Variants in BNC2 observed in about 807,000 individuals in gnomAD.
BNC2 encodes the protein zinc finger protein basonuclin-2.
In BNC2, 20 loss-of-function variants were observed where a neutral mutation model predicts 76.3. That is an observed-to-expected ratio of 0.26 (90% CI 0.18 to 0.38). BNC2 has a LOEUF of 0.38. Ranked by LOEUF, BNC2 falls within the 10% of genes least tolerant of loss-of-function variation. The pLI is 1.00. For missense variants in BNC2, 1,382 were observed against 1,399.8 expected (o/e 0.99, Z 0.20); for synonymous variants, 582 against 514.8 (o/e 1.13, Z -1.77).
chr9:16,719,968 T>C (rs938750107), intron 3 of BNC2, among the ~76,000 whole-genome samples: 1 of 152,124 alleles, frequency 6.6e-6, no homozygotes, highest in Admixed American at 6.6e-5. Context: ...GTCCAAGAAT[T>C]AGGTTTTTAA....
At chr9:16,740,968 AT>A (rs1381149584) in intron 1 of BNC2, among the ~76,000 whole-genome samples, 2 of 152,136 alleles carry the variant, frequency 1.3e-5, no homozygotes, top group African/African-American at 2.4e-5. Context: ...TTTATTACCA[AT>A]TTTTTCCACT....
intron 3 of BNC2, among the ~76,000 whole-genome samples, chr9:16,643,048 C>A (rs1227061691): frequency 6.6e-6 from 1 of 152,152 alleles, no homozygotes; most frequent in Non-Finnish European, 1.5e-5. Flanking sequence ...GCTCCCTAAA[C>A]TGAGCTATGA....
intron 3 of BNC2, among the ~76,000 whole-genome samples, chr9:16,697,128 A>C (rs1160622188): frequency 6.6e-6 from 1 of 152,064 alleles, no homozygotes; most frequent in Non-Finnish European, 1.5e-5. Context: ...TGGGAGGCTG[A>C]GGCGGGTGGA....
Position 16,549,677 on chromosome 9 carries a change from GTC to G in BNC2, c.669+2851_669+2852del, listed in dbSNP as rs990399350. Among the ~76,000 whole-genome samples, 3 of 152,278 alleles carry G rather than the reference GTC, an allele frequency of 2.0e-5. No homozygotes were observed. The South Asian group carries it at 6.2e-4, about 32-fold the overall frequency. ...TTAGAAGAATGGGTTTACTTTTACA[GTC>G]TCTCTCTTTTTTCTTTACAAAACAA... On this transcript the variant is annotated intron_variant, in intron 5 of 6. Coordinates refer to ENST00000380672, the MANE Select transcript of BNC2 (RefSeq NM_017637.6).
intron 4 of BNC2, among the ~76,000 whole-genome samples, chr9:16,565,867 G>C (rs575043596): frequency 1.3e-5 from 2 of 151,706 alleles, no homozygotes; most frequent in Non-Finnish European, 2.9e-5. Flanking sequence ...TTACAAACTG[G>C]ATATGTGACA....
intron 1 of BNC2, among the ~76,000 whole-genome samples, chr9:16,820,297 G>A (rs1361897083): frequency 6.6e-6 from 1 of 151,720 alleles, no homozygotes; most frequent in East Asian, 1.9e-4. Flanking sequence ...GTGGTGGCAG[G>A]TGCCTGTAAT....
intron 3 of BNC2, among the ~76,000 whole-genome samples, chr9:16,584,690 C>G (rs1046588858): frequency 6.6e-6 from 1 of 152,114 alleles, no homozygotes; most frequent in East Asian, 1.9e-4. Context: ...AGAAACGTTT[C>G]TTCCAGAAGT....
intron 3 of BNC2, among the ~76,000 whole-genome samples, chr9:16,626,678 A>AACAC (rs113705597): frequency 1.5e-4 from 22 of 149,872 alleles, no homozygotes; most frequent in East Asian, 3.9e-4. Flanking sequence ...GTAAAAGGCA[A>AACAC]ACACACACAC....
rs1173818942 is a variant in BNC2, at chr9:16,418,974, G to C, written c.*15C>G. Reference sequence around the variant, plus strand: ...CATCTGGTGAGAGCTGGCATTTGTAGTGTCCATTCTGAGACTAATCTACTG... The same window carrying C: ...CATCTGGTGAGAGCTGGCATTTGTACTGTCCATTCTGAGACTAATCTACTG... On this transcript the variant is annotated 3_prime_UTR_variant, in exon 7 of 7. Transcript: ENST00000380672. 2 of 1,613,760 alleles carry C rather than the reference G, an allele frequency of 1.2e-6. No homozygotes were observed. The highest frequency in any genetic ancestry group is 1.7e-5 in the Admixed American group (1 of 59,994).
chr9:16,810,380 A>G (rs1818016510), intron 1 of BNC2, among the ~76,000 whole-genome samples: 3 of 152,226 alleles, frequency 2.0e-5, no homozygotes, highest in Admixed American at 2.0e-4. Context: ...GAGTCGTGAA[A>G]AGACCAGTCC....
chr9:16,785,269 T>C (rs74908594), intron 1 of BNC2, among the ~76,000 whole-genome samples: 38 of 152,276 alleles, frequency 2.5e-4, no homozygotes, highest in Non-Finnish European at 4.1e-4. Flanking sequence ...GGCCTTCACC[T>C]CCTGTTTAAT....
At chr9:16,586,387 TCAC>T (rs1342232221) in intron 3 of BNC2, among the ~76,000 whole-genome samples, 1 of 152,198 alleles carries the variant, frequency 6.6e-6, no homozygotes, top group African/African-American at 2.4e-5. Context: ...TCCCACTTCC[TCAC>T]CACCACCTAC....
At chr9:16,679,476 A>T (rs1045754975) in intron 3 of BNC2, among the ~76,000 whole-genome samples, 3 of 152,196 alleles carry the variant, frequency 2.0e-5, no homozygotes, top group Middle Eastern at 3.2e-3. Context: ...GCTGCTAGAC[A>T]CATGTGCATG....
chr9:16,728,172 A>G (rs1271390434), intron 2 of BNC2, 175 bp from the exon 3 acceptor site: 2 of 704,854 alleles, frequency 2.8e-6, no homozygotes, highest in African/African-American at 3.5e-5. Flanking sequence ...ATTTATGCAT[A>G]GATTGTGACT....
intron 5 of BNC2, among the ~76,000 whole-genome samples, chr9:16,545,601 A>G (rs377040054): frequency 1.0e-3 from 159 of 152,312 alleles, no homozygotes; most frequent in African/African-American, 3.8e-3. Context: ...AAAAGAAGGC[A>G]TAATTATAGC....
intron 1 of BNC2, among the ~76,000 whole-genome samples, chr9:16,794,129 T>G (rs1223378860): frequency 6.6e-6 from 1 of 152,130 alleles, no homozygotes. Flanking sequence ...TGGCTCTGCC[T>G]TTCTCACTGC....
At chr9:16,636,088 C>T (rs1344156190) in intron 3 of BNC2, among the ~76,000 whole-genome samples, 1 of 152,070 alleles carries the variant, frequency 6.6e-6, no homozygotes, top group Non-Finnish European at 1.5e-5. Context: ...AGGAATGTTC[C>T]TTGGACTACT....
chr9:16,441,331 C>A, intron 5 of BNC2, among the ~76,000 whole-genome samples: 1 of 152,132 alleles, frequency 6.6e-6, no homozygotes, highest in East Asian at 1.9e-4. Flanking sequence ...TCAATTTGAT[C>A]AAGATTATCT....
intron 5 of BNC2, among the ~76,000 whole-genome samples, chr9:16,486,153 T>C (rs781052748): frequency 2.6e-5 from 4 of 152,198 alleles, no homozygotes; most frequent in Non-Finnish European, 4.4e-5. Context: ...GTTGTTTTAA[T>C]GCAAAGAACT....
Sources: gnomAD v4.1 joint callset for allele counts (sites outside exome capture counted in the v4.1 genomes callset) on GRCh38, gnomAD v4.1.1 for gene constraint, MANE v1.5 for transcripts, NCBI Gene and HGNC (gene_info 2026-07-23, HGNC 2026-07-21) for gene names.